Variants in DCC observed in about 807,000 individuals in gnomAD.
DCC encodes DCC netrin 1 receptor, also known as netrin receptor DCC.
Under a neutral mutation model 172.5 loss-of-function variants are expected in DCC, and 58 were observed. That is an observed-to-expected ratio of 0.34 (90% CI 0.27 to 0.42). The LOEUF (loss-of-function observed/expected upper bound fraction) is 0.42. Ranked by LOEUF, DCC falls within the 10% of genes least tolerant of loss-of-function variation. DCC has a pLI of 1.00. For missense variants in DCC, 1,740 were observed against 1,791.0 expected (o/e 0.97, Z 0.51); for synonymous variants, 709 against 644.5 (o/e 1.10, Z -1.52).
At chr18:52,385,353 G>A (rs1280262421) in intron 1 of DCC, among the ~76,000 whole-genome samples, 2 of 151,476 alleles carry the variant, frequency 1.3e-5, no homozygotes, top group Non-Finnish European at 2.9e-5. Flanking sequence ...TCAGCTCACC[G>A]CAACCTCTGC....
At position 53,424,669 on chromosome 18, in the gene DCC, A is replaced by C. The variant is rs149119193; in HGVS notation, c.3163+8513A>C. ...GAAGAGTAGCTGATCCCTTATGTAG[A>C]GAAATTCTAGGATGGAAAAGTTAGG... is the stretch of plus-strand genomic sequence containing the variant. On this transcript the variant is annotated intron_variant, in intron 21 of 28. Transcript: ENST00000442544. 3.9e-3 allele frequency among the ~76,000 whole-genome samples: 596 copies of C among 152,248 alleles called. 8 individuals are homozygous for C. The highest frequency in any genetic ancestry group is 0.013 in the African/African-American group (557 of 41,544).
At chr18:53,258,338 G>A (rs59011296) in intron 12 of DCC, among the ~76,000 whole-genome samples, 4,349 of 151,730 alleles carry the variant, frequency 0.029, 216 homozygotes, top group African/African-American at 0.098. Context: ...TGCTTTCTCT[G>A]GTGGGCATTT....
chr18:53,219,825 TAGG>T (rs1258460508), intron 12 of DCC, among the ~76,000 whole-genome samples: 2 of 152,120 alleles, frequency 1.3e-5, no homozygotes, highest in East Asian at 3.9e-4. Context: ...AACTATACAG[TAGG>T]AGAACAGCAA....
intron 2 of DCC, among the ~76,000 whole-genome samples, chr18:52,854,762 G>T (rs918093310): frequency 6.6e-6 from 1 of 152,140 alleles, no homozygotes; most frequent in African/African-American, 2.4e-5. Flanking sequence ...AGCAGGGTTT[G>T]GGGCTATATG....
intron 25 of DCC, among the ~76,000 whole-genome samples, chr18:53,473,459 G>A (rs978663153): frequency 4.6e-5 from 7 of 152,198 alleles, no homozygotes; most frequent in Middle Eastern, 3.4e-3. Flanking sequence ...TAAATAGAAT[G>A]TCATCTAACA....
At chr18:52,810,870 A>G (rs1013540912) in intron 2 of DCC, among the ~76,000 whole-genome samples, 1 of 152,138 alleles carries the variant, frequency 6.6e-6, no homozygotes, top group Non-Finnish European at 1.5e-5. Flanking sequence ...GTAGGGTTTC[A>G]CTGGGGGCCC....
rs1028702353 is a variant in DCC, at chr18:52,734,067, A to C, written c.92-17987A>C. On this transcript the variant is annotated intron_variant, in intron 1 of 28. Transcript: ENST00000442544. ...TATGAACATCTGTATCATCTTTAAA[A>C]GAGTAATAAGTAGGTGACCATATAT... Among the ~76,000 whole-genome samples the C allele has an allele frequency of 9.5e-4, 145 of 152,106 alleles. 2 individuals are homozygous for C. The highest frequency in any genetic ancestry group is 2.8e-4 in the Non-Finnish European group (19 of 68,016).
chr18:53,504,854 G>C (rs1160628291), intron 27 of DCC, among the ~76,000 whole-genome samples: 1 of 152,174 alleles, frequency 6.6e-6, no homozygotes, highest in African/African-American at 2.4e-5. Flanking sequence ...ACGTTAGGTA[G>C]CTTGCCCAAG....
At chr18:53,464,532 C>T (rs558066686) in intron 24 of DCC, among the ~76,000 whole-genome samples, 10 of 151,608 alleles carry the variant, frequency 6.6e-5, no homozygotes, top group African/African-American at 1.9e-4. Context: ...GTGTTACTAC[C>T]AAAAAATTTT....
intron 12 of DCC, among the ~76,000 whole-genome samples, chr18:53,264,089 T>A (rs1196511645): frequency 1.3e-5 from 2 of 152,186 alleles, no homozygotes; most frequent in East Asian, 3.9e-4. Flanking sequence ...TAGGAAACAT[T>A]CTGAGTCTAA....
intron 1 of DCC, among the ~76,000 whole-genome samples, chr18:52,651,175 T>G (rs886182620): frequency 1.7e-4 from 26 of 152,186 alleles, no homozygotes; most frequent in Non-Finnish European, 8.8e-5. Context: ...TATATATTTA[T>G]TTTTTGAGAG....
chr18:53,053,493 G>A (rs1021804867), intron 5 of DCC, among the ~76,000 whole-genome samples: 1 of 152,090 alleles, frequency 6.6e-6, no homozygotes, highest in African/African-American at 2.4e-5. Context: ...TCAGTTATGT[G>A]TTATAATCTA....
At chr18:53,314,566 C>T (rs979559471) in intron 13 of DCC, among the ~76,000 whole-genome samples, 2 of 152,116 alleles carry the variant, frequency 1.3e-5, no homozygotes, top group East Asian at 1.9e-4. Flanking sequence ...TTTACAGGGA[C>T]ACTTTGTTAG....
intron 2 of DCC, among the ~76,000 whole-genome samples, chr18:52,815,340 G>A (rs1210040212): frequency 2.0e-5 from 3 of 151,946 alleles, no homozygotes; most frequent in Non-Finnish European, 2.9e-5. Context: ...TCCCTAATCC[G>A]ATAGGTCCAG....
intron 1 of DCC, among the ~76,000 whole-genome samples, chr18:52,425,207 T>C (rs1987383310): frequency 6.6e-6 from 1 of 152,150 alleles, no homozygotes; most frequent in Admixed American, 6.6e-5. Context: ...GCAAAACTCA[T>C]GTAGTTCTGA....
rs915196524 is a variant in DCC, at chr18:53,402,658, T to A, written c.2828-128T>A. The stretch of plus-strand genomic sequence containing the variant: ...TTATTCAAATCCTTGAAATAAACTG[T>A]AAATGGCAAAATAGACATGATATAC... On this transcript the variant is annotated intron_variant, in intron 18 of 28. Transcript: ENST00000442544. 6 of 780,048 alleles carry A rather than the reference T, an allele frequency of 7.7e-6. No homozygotes were observed. In the African/African-American group the frequency reaches 1.0e-4, roughly 13 times the overall value. The allele number at this position is 780,048 out of a possible 1,614,324, so 48.3% of individuals were successfully genotyped here.
At chr18:52,883,350 ATGTGTGTGTGTG>A (rs1172759213) in intron 2 of DCC, among the ~76,000 whole-genome samples, 85 of 34,172 alleles carry the variant, frequency 2.5e-3, no homozygotes, top group African/African-American at 5.8e-3. Flanking sequence ...TTATTTATTT[ATGTGTGTGTGTG>A]TGTGTGTGTG....
intron 1 of DCC, among the ~76,000 whole-genome samples, chr18:52,378,464 TG>T (rs60893510): frequency 0.092 from 14,059 of 152,152 alleles, 785 homozygotes; most frequent in Middle Eastern, 0.16. Context: ...ATATATACAG[TG>T]GACTTTACAC....
intron 6 of DCC, 53 bp from the exon 7 acceptor site, chr18:53,065,993 A>C: frequency 3.1e-6 from 5 of 1,607,680 alleles, no homozygotes; most frequent in Non-Finnish European, 4.3e-6. Context: ...TCATTTTGTC[A>C]CCTTGCATTT....
Sources: gnomAD v4.1 joint callset for allele counts (sites outside exome capture counted in the v4.1 genomes callset) on GRCh38, gnomAD v4.1.1 for gene constraint, MANE v1.5 for transcripts, NCBI Gene and HGNC (gene_info 2026-07-23, HGNC 2026-07-21) for gene names.